The following GSE1 variants were observed in gnomAD, a reference collection of about 807,000 sequenced individuals.
GSE1 encodes Gse1 coiled-coil protein, also known as genetic suppressor element 1.
Under a neutral mutation model 112.6 loss-of-function variants are expected in GSE1, and 32 were observed. The observed-to-expected ratio is 0.28, with a 90% CI of 0.21 to 0.38. The LOEUF is 0.38. Ranked by LOEUF, GSE1 falls within the 10% of genes least tolerant of loss-of-function variation. The pLI, the probability that GSE1 is intolerant of heterozygous loss-of-function variation, is 1.00. For missense variants in GSE1, 2,348 were observed against 1,699.2 expected (o/e 1.38, Z -6.71); for synonymous variants, 1,115 against 735.6 (o/e 1.52, Z -8.35).
chr16:85,668,304 C>G lies in GSE1; in HGVS notation c.3295C>G (p.Arg1099Gly). The G allele has an allele frequency of 1.2e-6, 2 of 1,612,506 alleles. No homozygotes were observed. The highest frequency in any genetic ancestry group is 1.1e-5 in the South Asian group (1 of 91,024). Residue 1099 changes from arginine (R) to glycine (G), a missense_variant, in exon 14 of 16, where the codon CGG (arginine) becomes GGG (glycine). By Grantham distance (125) the Arg-to-Gly change is moderately radical. Transcript: ENST00000253458. ...RKGPPTQELD[R>G]DSEEEEEEDD... is the part of the protein sequence containing the mutation. Reference sequence around the variant, plus strand: ...GGGCCCCCCAACCCAGGAGTTGGACCGGGACTCGGAGGAGGAGGAAGAGGA... The same window carrying G: ...GGGCCCCCCAACCCAGGAGTTGGACGGGGACTCGGAGGAGGAGGAAGAGGA...
At chr16:85,347,890 G>C (rs767089468) in intron 1 of GSE1, among the ~76,000 whole-genome samples, 12 of 152,198 alleles carry the variant, frequency 7.9e-5, no homozygotes, top group Admixed American at 2.6e-4. Flanking sequence ...ACTGAACCCA[G>C]ATTTTTCAGC....
chr16:85,223,799 T>G (rs1369988496), intron 1 of GSE1, among the ~76,000 whole-genome samples: 2 of 151,828 alleles, frequency 1.3e-5, no homozygotes, highest in South Asian at 4.2e-4. Context: ...GAGATGGGGT[T>G]TCACCATGTT....
chr16:85,591,536 G>A (rs2047002677), intron 1 of GSE1, among the ~76,000 whole-genome samples: 1 of 152,208 alleles, frequency 6.6e-6, no homozygotes, highest in African/African-American at 2.4e-5. Context: ...CAGCGGTGCT[G>A]GGGAGGGGTC....
chr16:85,251,171 G>A (rs1248553093), intron 1 of GSE1, among the ~76,000 whole-genome samples: 2 of 152,216 alleles, frequency 1.3e-5, no homozygotes, highest in African/African-American at 4.8e-5. Flanking sequence ...CTTGGTATGG[G>A]GTTATGGCTC....
chr16:85,613,863 G>A (rs912533988), intron 1 of GSE1, among the ~76,000 whole-genome samples: 2 of 146,930 alleles, frequency 1.4e-5, no homozygotes, highest in Admixed American at 6.7e-5. Context: ...GGGGTGTGGG[G>A]GGGGGGGGTG....
intron 2 of GSE1, among the ~76,000 whole-genome samples, chr16:85,480,381 G>A (rs2050633775): frequency 6.6e-6 from 1 of 152,064 alleles, no homozygotes; most frequent in African/African-American, 2.4e-5. Context: ...GCGGCAGGGG[G>A]CGCGCGTGGC....
At chr16:85,181,734 C>G (rs997085465) in intron 1 of GSE1, among the ~76,000 whole-genome samples, 1 of 152,120 alleles carries the variant, frequency 6.6e-6, no homozygotes, top group Non-Finnish European at 1.5e-5. Context: ...GGCCTCCACA[C>G]TTCCAGACAC....
chr16:85,250,262 G>A (rs1906321250), intron 1 of GSE1, among the ~76,000 whole-genome samples: 1 of 152,228 alleles, frequency 6.6e-6, no homozygotes, highest in Non-Finnish European at 1.5e-5. Context: ...GGGAGGCCTG[G>A]CAAAGGGTCC....
intron 2 of GSE1, among the ~76,000 whole-genome samples, chr16:85,400,006 A>G (rs2151667503): frequency 6.6e-6 from 1 of 152,344 alleles, no homozygotes; most frequent in South Asian, 2.1e-4. Context: ...GGCGCACAGC[A>G]GCCCCTGAGC....
At chr16:85,506,075 C>A in intron 2 of GSE1, among the ~76,000 whole-genome samples, 1 of 152,146 alleles carries the variant, frequency 6.6e-6, no homozygotes, top group Non-Finnish European at 1.5e-5. Context: ...TGAGTCGAAC[C>A]AGGCACCCAC....
upstream of GSE1, among the ~76,000 whole-genome samples, chr16:85,609,237 C>T (rs769036194): frequency 6.6e-6 from 1 of 152,198 alleles, no homozygotes; most frequent in Non-Finnish European, 1.5e-5. Context: ...GCCGCCCCCA[C>T]CTTTAAAAAC....
chr16:85,225,876 G>A (rs2075476469), intron 1 of GSE1, among the ~76,000 whole-genome samples: 2 of 152,142 alleles, frequency 1.3e-5, no homozygotes, highest in South Asian at 4.1e-4. Flanking sequence ...CCCACACAAG[G>A]TGCCCTCATC....
chr16:85,530,834 G>A (rs186651683), intron 2 of GSE1, among the ~76,000 whole-genome samples: 1 of 152,382 alleles, frequency 6.6e-6, no homozygotes, highest in Admixed American at 6.5e-5. Flanking sequence ...CTGAGACCAG[G>A]GGAAACCTTG....
intron 2 of GSE1, among the ~76,000 whole-genome samples, chr16:85,648,060 G>A (rs1005503966): frequency 2.6e-5 from 4 of 152,148 alleles, no homozygotes; most frequent in Admixed American, 6.5e-5. Context: ...GCTGCCTCTC[G>A]GTGGGGCAGG....
At chr16:85,647,034 CAG>C (rs146210723) in intron 2 of GSE1, among the ~76,000 whole-genome samples, 1 of 152,292 alleles carries the variant, frequency 6.6e-6, no homozygotes, top group East Asian at 1.9e-4. Context: ...AGGGAGACAA[CAG>C]AGGGGAGCCC....
Position 85,274,326 on chromosome 16 carries a change from A to G in GSE1, c.2284-83137A>G, listed in dbSNP as rs965628904. On this transcript the variant is annotated intron_variant, in intron 1 of 2. Coordinates refer to the GSE1 transcript ENST00000637419. ...CTTGAACCTGGGAGGCGGAGGTTGC[A>G]GTGAGCTGAGATCACGCCACTGCAC... 5.9e-5 allele frequency among the ~76,000 whole-genome samples: 9 copies of G among 152,292 alleles called. No individual in the cohort carries two copies. The South Asian group carries it at 1.5e-3, about 25-fold the overall frequency.
At chr16:85,655,137 T>A in intron 5 of GSE1, 146 bp downstream of exon 5, 1 of 653,066 alleles carries the variant, frequency 1.5e-6, no homozygotes, top group Admixed American at 2.2e-5. Flanking sequence ...TCCCCAGCTT[T>A]GAGCCTAAAT....
At chr16:85,491,427 GGGT>G (rs2151894341) in intron 2 of GSE1, among the ~76,000 whole-genome samples, 1 of 152,304 alleles carries the variant, frequency 6.6e-6, no homozygotes, top group Non-Finnish European at 1.5e-5. Context: ...CTGGGGGGCT[GGGT>G]GGTGGCTTTA....
chr16:85,649,121 C>G (rs1394170002), intron 3 of GSE1, among the ~76,000 whole-genome samples: 1 of 152,142 alleles, frequency 6.6e-6, no homozygotes, highest in Non-Finnish European at 1.5e-5. Flanking sequence ...TGTGGTGTCT[C>G]CATGTCTGGG....
Sources: gnomAD v4.1 joint callset for allele counts (sites outside exome capture counted in the v4.1 genomes callset) on GRCh38, gnomAD v4.1.1 for gene constraint, MANE v1.5 for transcripts, NCBI Gene and HGNC (gene_info 2026-07-23, HGNC 2026-07-21) for gene names.